CSGALNACT1: variants seen among roughly 807,000 people sequenced by gnomAD.
CSGALNACT1 encodes beta4GalNAcT-1.
CSGALNACT1 carries 52 observed loss-of-function variants against 51.0 expected under a neutral mutation model. The observed-to-expected ratio is 1.02, with a 90% CI of 0.82 to 1.29. The LOEUF (loss-of-function observed/expected upper bound fraction) is 1.29. CSGALNACT1 is among the 50% of genes most tolerant of loss of function. The pLI is 0.00. For missense variants in CSGALNACT1, 935 were observed against 679.2 expected, an observed-to-expected ratio of 1.38 and a Z score of -4.19; for synonymous variants, 341 against 254.4, an observed-to-expected ratio of 1.34 and a Z score of -3.24.
At chr8:19,725,165 T>A (rs928659190) in intron 1 of CSGALNACT1, among the ~76,000 whole-genome samples, 1 of 152,176 alleles carries the variant, frequency 6.6e-6, no homozygotes, top group Non-Finnish European at 1.5e-5. Flanking sequence ...ACACTATGGA[T>A]AACTGTCCAT....
intron 3 of CSGALNACT1, among the ~76,000 whole-genome samples, chr8:19,568,889 T>G (rs1259925004): frequency 6.6e-6 from 1 of 152,354 alleles, no homozygotes. Flanking sequence ...AAATTCTCCC[T>G]TAGCCTCAAC....
chr8:19,656,087 A>G (rs560288559), intron 1 of CSGALNACT1, among the ~76,000 whole-genome samples: 30 of 152,204 alleles, frequency 2.0e-4, no homozygotes, highest in African/African-American at 7.0e-4. Context: ...GCTTCACACA[A>G]CTCTGGGAAC....
intron 1 of CSGALNACT1, among the ~76,000 whole-genome samples, chr8:19,638,033 T>G (rs1390673318): frequency 6.6e-6 from 1 of 152,128 alleles, no homozygotes; most frequent in African/African-American, 2.4e-5. Context: ...TGTCAACTGA[T>G]ATGAGGAAGT....
intron 4 of CSGALNACT1, among the ~76,000 whole-genome samples, chr8:19,489,232 C>T (rs1032463969): frequency 1.3e-5 from 2 of 152,054 alleles, no homozygotes; most frequent in South Asian, 4.1e-4. Flanking sequence ...AAATAAATTG[C>T]CCTTCTATTT....
At chr8:19,445,013 T>C (rs1174542825) in intron 5 of CSGALNACT1, among the ~76,000 whole-genome samples, 2 of 152,190 alleles carry the variant, frequency 1.3e-5, no homozygotes, top group Non-Finnish European at 2.9e-5. Flanking sequence ...ATTCTGTCTC[T>C]TTCTGGTGGA....
chr8:19,561,068 A>G (rs183985182), intron 3 of CSGALNACT1, among the ~76,000 whole-genome samples: 11 of 152,326 alleles, frequency 7.2e-5, no homozygotes, highest in African/African-American at 2.6e-4. Flanking sequence ...TCATTTATAT[A>G]TAATTCAGTG....
At chr8:19,482,826 A>G (rs577003195) in intron 4 of CSGALNACT1, among the ~76,000 whole-genome samples, 2 of 152,088 alleles carry the variant, frequency 1.3e-5, no homozygotes, top group Non-Finnish European at 2.9e-5. Flanking sequence ...CTCCAAACCC[A>G]TATTCCAACT....
chr8:19,405,140 GA>G (rs750786734), exon 10 of CSGALNACT1: 8 of 450,772 alleles, frequency 1.8e-5, no homozygotes, highest in African/African-American at 8.1e-5. Flanking sequence ...ACTCACAAGG[GA>G]AAAAAAGTGC....
chr8:19,502,506 C>G (rs1391209208), intron 4 of CSGALNACT1, among the ~76,000 whole-genome samples: 1 of 152,146 alleles, frequency 6.6e-6, no homozygotes, highest in African/African-American at 2.4e-5. Flanking sequence ...TTTTTAAATA[C>G]AAAGAATCCC....
intron 4 of CSGALNACT1, among the ~76,000 whole-genome samples, chr8:19,486,207 GA>G (rs1468362278): frequency 6.6e-6 from 1 of 151,656 alleles, no homozygotes; most frequent in Non-Finnish European, 1.5e-5. Flanking sequence ...CTGGCTTAAT[GA>G]GCCTTGATGA....
At chr8:19,452,106 T>C (rs1015662403) in intron 5 of CSGALNACT1, among the ~76,000 whole-genome samples, 3 of 152,242 alleles carry the variant, frequency 2.0e-5, no homozygotes, top group African/African-American at 7.2e-5. Context: ...TCTTCTGCTG[T>C]CAATTTCAAC....
chr8:19,437,091 G>T (rs1457250982), intron 6 of CSGALNACT1, among the ~76,000 whole-genome samples: 1 of 152,066 alleles, frequency 6.6e-6, no homozygotes, highest in Non-Finnish European at 1.5e-5. Flanking sequence ...GCAGACTTAG[G>T]ACAACAGGAA....
At position 19,428,097 on chromosome 8, in the gene CSGALNACT1, G is replaced by A. The variant is rs182021411; in HGVS notation, c.954-7579C>T. On this transcript the variant is annotated intron_variant, in intron 6 of 9. Transcript: ENST00000454498. ...TCCTCAGACTTAGCTCATTGCATGT[G>A]CCATTTCTCCTTGCTCTGTAAAGTC... 5.1e-3 allele frequency among the ~76,000 whole-genome samples: 773 copies of A among 152,236 alleles called. 2 individuals are homozygous for A. Among genetic ancestry groups the A allele is most frequent in the Non-Finnish European group, 7.1e-3 (485 of 68,030 alleles).
intron 1 of CSGALNACT1, among the ~76,000 whole-genome samples, chr8:19,675,254 T>C (rs2060091969): frequency 6.6e-6 from 1 of 152,172 alleles, no homozygotes; most frequent in Non-Finnish European, 1.5e-5. Flanking sequence ...TCAGGCAGGA[T>C]GTAGAGAGGA....
intron 3 of CSGALNACT1, among the ~76,000 whole-genome samples, chr8:19,555,007 A>C (rs1343539594): frequency 6.6e-6 from 1 of 151,742 alleles, no homozygotes; most frequent in African/African-American, 2.4e-5. Context: ...AGGGACGCCG[A>C]GCGGGGGTGA....
At chr8:19,703,605 C>A (rs1056819632) in intron 1 of CSGALNACT1, among the ~76,000 whole-genome samples, 1 of 152,164 alleles carries the variant, frequency 6.6e-6, no homozygotes, top group African/African-American at 2.4e-5. Flanking sequence ...CCATGCCCAG[C>A]CCTCTCTTTG....
At chr8:19,451,163 T>C (rs1307429074) in intron 5 of CSGALNACT1, among the ~76,000 whole-genome samples, 1 of 152,186 alleles carries the variant, frequency 6.6e-6, no homozygotes, top group African/African-American at 2.4e-5. Flanking sequence ...GTCTGGGTGC[T>C]AGGAGAAACC....
intron 4 of CSGALNACT1, among the ~76,000 whole-genome samples, chr8:19,473,509 C>G (rs2068691897): frequency 6.6e-6 from 1 of 152,168 alleles, no homozygotes; most frequent in South Asian, 2.1e-4. Flanking sequence ...TTGACCAACA[C>G]CCATGGTACA....
intron 4 of CSGALNACT1, among the ~76,000 whole-genome samples, chr8:19,497,230 A>C (rs1212663878): frequency 6.6e-6 from 1 of 152,214 alleles, no homozygotes; most frequent in Non-Finnish European, 1.5e-5. Flanking sequence ...GAATAACAAG[A>C]AACAGCAGAA....
Sources: allele counts gnomAD v4.1 joint callset (sites outside exome capture counted in the v4.1 genomes callset), GRCh38; gene constraint gnomAD v4.1.1; transcripts MANE v1.5; gene names NCBI Gene and HGNC (gene_info 2026-07-23, HGNC 2026-07-21).